The following PLEKHG1 variants were observed in gnomAD, a reference collection of about 807,000 sequenced individuals.
The protein encoded by PLEKHG1 is pleckstrin homology and RhoGEF domain containing G1.
PLEKHG1 carries 44 observed loss-of-function variants against 100.8 expected under a neutral mutation model. The observed-to-expected ratio is 0.44, with a 90% confidence interval of 0.34 to 0.56. The LOEUF (loss-of-function observed/expected upper bound fraction) is 0.56. Among genes scored for constraint, PLEKHG1 ranks in the 20% least tolerant of loss-of-function variants. The probability of loss-of-function intolerance (pLI) is 0.01; values close to 1 mark genes in which losing one functional copy is unlikely to be tolerated. For synonymous variants in PLEKHG1, 640 were observed against 662.5 expected (o/e 0.97, Z 0.52); for missense variants, 1,545 against 1,720.9 (o/e 0.90, Z 1.81).
At chr6:150,634,225 CAA>C (rs1367305665) in intron 1 of PLEKHG1, among the ~76,000 whole-genome samples, 1 of 125,442 alleles carries the variant, frequency 8.0e-6, no homozygotes, top group Non-Finnish European at 1.6e-5. Flanking sequence ...GCCTGGCCAA[CAA>C]GAGCAAAACT....
chr6:150,661,333 A>T (rs1470632287), intron 3 of PLEKHG1, among the ~76,000 whole-genome samples: 2 of 152,260 alleles, frequency 1.3e-5, no homozygotes, highest in Non-Finnish European at 2.9e-5. Flanking sequence ...ATAGAGAAAG[A>T]CTGAGAACAA....
At chr6:150,707,749 C>T (rs958178700) in intron 3 of PLEKHG1, among the ~76,000 whole-genome samples, 1 of 152,132 alleles carries the variant, frequency 6.6e-6, no homozygotes, top group Non-Finnish European at 1.5e-5. Flanking sequence ...GACCAAACAA[C>T]AGGTCCACAG....
chr6:150,835,360 A>T (rs1777172280), intron 15 of PLEKHG1, among the ~76,000 whole-genome samples: 1 of 152,048 alleles, frequency 6.6e-6, no homozygotes, highest in Non-Finnish European at 1.5e-5. Flanking sequence ...TAGAGTAGGG[A>T]AGGCACAATT....
intron 2 of PLEKHG1, among the ~76,000 whole-genome samples, chr6:150,639,296 A>G (rs879453082): frequency 6.6e-6 from 1 of 152,224 alleles, no homozygotes. Context: ...TAAAAATGCT[A>G]TATATTTCTC....
Position 150,831,727 on chromosome 6 carries a change from G to A in PLEKHG1, c.2616G>A (p.Leu872=), listed in dbSNP as rs1228713702. Residue 872 remains leucine (L), a synonymous_variant, in exon 15 of 16, where the codon CTG becomes CTA. Coordinates refer to ENST00000358517, the Ensembl canonical transcript of PLEKHG1. This position sits in a 1 kb window ranked among gnomAD's most constrained non-coding sequence, Gnocchi z 4.1. ...GCAAGGATGATGTGCCAGACAGGCT[G>A]CACGCAGAGAGCACCCCTGAGCTGA... 1.2e-6 allele frequency: 2 copies of A among 1,613,246 alleles called. No homozygotes were observed. Among genetic ancestry groups the A allele is most frequent in the East Asian group, 2.2e-5 (1 of 44,890 alleles).
intron 2 of PLEKHG1, among the ~76,000 whole-genome samples, chr6:150,750,087 T>A (rs13201848): frequency 0.15 from 21,952 of 144,660 alleles, 3,430 homozygotes; most frequent in African/African-American, 0.38. Flanking sequence ...AAAAAGAAAA[T>A]ATCTACTAGA....
intron 10 of PLEKHG1, among the ~76,000 whole-genome samples, chr6:150,812,727 G>A (rs1469123123): frequency 6.6e-6 from 1 of 152,190 alleles, no homozygotes; most frequent in Non-Finnish European, 1.5e-5. Flanking sequence ...TGGCAGGGAA[G>A]GAGGAGGAAG....
At chr6:150,815,117 T>G (rs1200761657) in intron 10 of PLEKHG1, among the ~76,000 whole-genome samples, 1 of 152,252 alleles carries the variant, frequency 6.6e-6, no homozygotes, top group African/African-American at 2.4e-5. Flanking sequence ...TCCACATCTT[T>G]CCTCGAGATT....
exon 3 of PLEKHG1, chr6:150,650,731 A>T (rs1651771786): frequency 6.6e-6 from 1 of 152,226 alleles, no homozygotes; most frequent in Non-Finnish European, 1.5e-5. Context: ...ACTACAGGTG[A>T]AGACTGATGA....
intron 2 of PLEKHG1, among the ~76,000 whole-genome samples, chr6:150,757,807 T>G (rs1441603110): frequency 6.6e-6 from 1 of 152,180 alleles, no homozygotes; most frequent in Non-Finnish European, 1.5e-5. Flanking sequence ...ATCACCCAGG[T>G]ATTAAGCCCA....
intron 3 of PLEKHG1, among the ~76,000 whole-genome samples, chr6:150,678,939 A>T (rs1303168649): frequency 6.6e-6 from 1 of 152,238 alleles, no homozygotes; most frequent in African/African-American, 2.4e-5. Flanking sequence ...AAATCTCTGA[A>T]TATCAATTAA....
At chr6:150,723,482 C>T (rs892508843) in intron 1 of PLEKHG1, among the ~76,000 whole-genome samples, 4 of 152,190 alleles carry the variant, frequency 2.6e-5, no homozygotes, top group Middle Eastern at 3.4e-3. Flanking sequence ...CCTTTTCTAC[C>T]CTACTATTTT....
intron 6 of PLEKHG1, among the ~76,000 whole-genome samples, chr6:150,804,170 TATATA>T (rs1411674213): frequency 8.0e-5 from 4 of 49,694 alleles, no homozygotes; most frequent in African/African-American, 2.4e-4. Context: ...TATATATATA[TATATA>T]TTTTTTTTTT....
At chr6:150,835,494 A>G (rs1163521959) in intron 15 of PLEKHG1, among the ~76,000 whole-genome samples, 1 of 152,208 alleles carries the variant, frequency 6.6e-6, no homozygotes, top group Non-Finnish European at 1.5e-5. Flanking sequence ...GTCTGAGATC[A>G]TAAGAACTCC....
exon 15 of PLEKHG1, chr6:150,832,120 G>A: frequency 5.0e-6 from 8 of 1,614,018 alleles, no homozygotes; most frequent in Non-Finnish European, 6.8e-6. Flanking sequence ...AGCTGGAGCA[G>A]CCGCCGGCCA....
chr6:150,788,886 C>T (rs549164130), intron 4 of PLEKHG1, among the ~76,000 whole-genome samples: 54 of 152,332 alleles, frequency 3.5e-4, no homozygotes, highest in African/African-American at 1.1e-3. Context: ...TACACACACA[C>T]ACATGCACAC....
chr6:150,670,419 G>A (rs1425810646), intron 3 of PLEKHG1, among the ~76,000 whole-genome samples: 1 of 152,226 alleles, frequency 6.6e-6, no homozygotes, highest in East Asian at 1.9e-4. Context: ...GCACAGAGAT[G>A]GAAGGCTAAC....
At chr6:150,809,604 T>C in intron 9 of PLEKHG1, 44 bp from the exon 11 acceptor site, 1 of 1,557,844 alleles carries the variant, frequency 6.4e-7, no homozygotes, top group African/African-American at 1.4e-5. Flanking sequence ...GTCCTGTGGG[T>C]GGTGGAATCA....
Position 150,644,347 on chromosome 6 carries a change from T to TG in PLEKHG1, c.-158+6222_-158+6223insG, listed in dbSNP as rs1327159483. Among the ~76,000 whole-genome samples the TG allele has an allele frequency of 9.5e-5, 14 of 147,292 alleles. 1 individual carries two copies. Among genetic ancestry groups the TG allele is most frequent in the African/African-American group, 3.3e-4 (13 of 39,006 alleles). On this transcript the variant is annotated intron_variant, in intron 2 of 3. Coordinates refer to the PLEKHG1 transcript ENST00000367326. The stretch of plus-strand genomic sequence containing the variant: ...TTTTCTTTTCGTGTTTTTTTTTTTT[T>TG]TTTTTGTTACAGAGTCTCACTCTGT...
Sources: allele counts gnomAD v4.1 joint callset (sites outside exome capture counted in the v4.1 genomes callset), GRCh38; gene constraint gnomAD v4.1.1; non-coding constraint Gnocchi (gnomAD v3.1); transcripts MANE v1.5; gene names NCBI Gene and HGNC (gene_info 2026-07-23, HGNC 2026-07-21).